Variants in SNX1 observed in about 807,000 individuals in gnomAD.
SNX1 encodes the protein sorting nexin 1.
In SNX1, 36 loss-of-function variants were observed where a neutral mutation model predicts 71.8. That is an observed-to-expected ratio of 0.50 (90% CI 0.38 to 0.66). The LOEUF (loss-of-function observed/expected upper bound fraction) is 0.66, where lower values mean the gene tolerates loss of function less well. Ranked by LOEUF, SNX1 falls within the 30% of genes least tolerant of loss-of-function variation. The pLI is 0.00. For missense variants in SNX1, 612 were observed against 646.7 expected (o/e 0.95, Z 0.58); for synonymous variants, 254 against 240.7 (o/e 1.06, Z -0.51).
chr15:64,133,487 T>C (rs1453795870), intron 11 of SNX1, among the ~76,000 whole-genome samples: 1 of 152,114 alleles, frequency 6.6e-6, no homozygotes. Context: ...CCCAGCACTT[T>C]GGGAGGCTGA....
At chr15:64,102,274 G>T (rs1267275012) in intron 1 of SNX1, among the ~76,000 whole-genome samples, 1 of 151,940 alleles carries the variant, frequency 6.6e-6, no homozygotes, top group Non-Finnish European at 1.5e-5. Flanking sequence ...ATTTTTTATT[G>T]ATATAGTTGT....
chr15:64,133,762 C>T (rs181689586), intron 11 of SNX1, among the ~76,000 whole-genome samples: 1 of 152,240 alleles, frequency 6.6e-6, no homozygotes, highest in East Asian at 1.9e-4. Context: ...GGAACTTTTG[C>T]AGGGCAGTGA....
intron 1 of SNX1, among the ~76,000 whole-genome samples, chr15:64,105,558 G>A (rs542600113): frequency 3.4e-4 from 51 of 152,174 alleles, no homozygotes; most frequent in Non-Finnish European, 6.3e-4. Flanking sequence ...CACGTGGACA[G>A]CTGGAGCTTC....
chr15:64,110,325 G>A (rs1402158392), intron 1 of SNX1, among the ~76,000 whole-genome samples: 1 of 152,190 alleles, frequency 6.6e-6, no homozygotes, highest in East Asian at 1.9e-4. Flanking sequence ...ATATCTGAGA[G>A]CAGTTTTCTG....
chr15:64,101,430 A>G (rs1355614327), intron 1 of SNX1, among the ~76,000 whole-genome samples: 3 of 152,204 alleles, frequency 2.0e-5, no homozygotes, highest in South Asian at 2.1e-4. Context: ...ATGTTATAAC[A>G]TGTGACAAGA....
chr15:64,136,230 G>T, intron 12 of SNX1, 100 bp from the exon 13 acceptor site: 1 of 871,608 alleles, frequency 1.1e-6, no homozygotes, highest in Non-Finnish European at 1.9e-6. Context: ...CAGACATAAT[G>T]ATCAATTGAG....
Position 64,129,862 on chromosome 15 carries a change from A to T in SNX1, c.808-54A>T, listed in dbSNP as rs2081288787. On this transcript the variant is annotated intron_variant, in intron 8 of 14. Transcript: ENST00000559844. The surrounding 1 kb of genome is among the most constrained non-coding windows in gnomAD (Gnocchi z 4.4). ...ATCTGATGGATACTAATTCTTCTGA[A>T]CCTAAAATAGGGGCAGCAGATAACT... 2 of 1,287,696 alleles carry T rather than the reference A, an allele frequency of 1.6e-6. No homozygotes were observed. 79.8% of individuals were successfully genotyped at this position (1,287,696 alleles called of 1,614,324 possible).
rs1057125921 is a variant in SNX1 at position 64,140,640 on chromosome 15, A to C, written c.*3022A>C. ...CTCTTGTCGCCCAGGCTGGATTGCA[A>C]TGGCACAATCTCAGCTCACTGCAAC... On this transcript the variant is annotated 3_prime_UTR_variant, in exon 15 of 15. Coordinates refer to ENST00000559844, the MANE Select transcript of SNX1 (RefSeq NM_003099.5). 2.0e-5 allele frequency: 3 copies of C among 152,140 alleles called. No individual in the cohort carries two copies. Among genetic ancestry groups the C allele is most frequent in the African/African-American group, 7.2e-5 (3 of 41,428 alleles). 9.4% of individuals were successfully genotyped at this position (152,140 alleles called of 1,614,324 possible). A position where few individuals can be genotyped will look rare whatever the true frequency, so the allele number is the denominator to read the frequency against.
intron 1 of SNX1, among the ~76,000 whole-genome samples, chr15:64,101,285 C>G (rs1176169496): frequency 6.6e-6 from 1 of 152,208 alleles, no homozygotes; most frequent in African/African-American, 2.4e-5. Flanking sequence ...TCCACAGTCC[C>G]TGGTAATCAA....
intron 1 of SNX1, chr15:64,111,657 T>C (rs1324541157): frequency 2.6e-5 from 4 of 152,262 alleles, no homozygotes; most frequent in South Asian, 2.1e-4. Flanking sequence ...CATTTCACTT[T>C]GTTGGGTCAG....
In SNX1 at chr15:64,139,061, T is replaced by G. The variant is rs1160364803; in HGVS notation, c.*1443T>G. The G allele has an allele frequency of 6.6e-6, 1 of 152,182 alleles. No homozygotes were observed. Among genetic ancestry groups the G allele is most frequent in the African/African-American group, 2.4e-5 (1 of 41,432 alleles). 9.4% of individuals were successfully genotyped at this position (152,182 alleles called of 1,614,324 possible). A position where few individuals can be genotyped will look rare whatever the true frequency, so the allele number is the denominator to read the frequency against. Reference sequence around the variant, plus strand: ...TATTTCTTTTTAACAGGTGAAGTTTTTGGAAAAAGTCACTCTCCCTACCCC... The same window carrying G: ...TATTTCTTTTTAACAGGTGAAGTTTGTGGAAAAAGTCACTCTCCCTACCCC... On this transcript the variant is annotated 3_prime_UTR_variant, in exon 15 of 15. Transcript: ENST00000559844.
rs912982727 is a variant in SNX1 at position 64,102,804 on chromosome 15, T to C, written c.159+6632T>C. Among the ~76,000 whole-genome samples the C allele has an allele frequency of 7.1e-5, 10 of 140,086 alleles. No individual in the cohort carries two copies. The Admixed American group carries it at 7.7e-4, about 11-fold the overall frequency. 91.9% of individuals were successfully genotyped at this position (140,086 alleles called of 152,430 possible). A position where few individuals can be genotyped will look rare whatever the true frequency, so the allele number is the denominator to read the frequency against. ...TTTTTTTTGACACAGGGTCTTGCTC[T>C]GTCTCCCAGGCTGGAGTGCAGTGGT... On this transcript the variant is annotated intron_variant, in intron 1 of 14. Transcript: ENST00000559844.
chr15:64,097,900 C>G lies in SNX1; in HGVS notation c.159+1728C>G, dbSNP rs957674438. ...TCATTTGTGTCAGATTTTCCCTGTCCTGTATTCAGAAATTGAGTCCATAAT... is the reference window on the plus strand; with the variant it reads ...TCATTTGTGTCAGATTTTCCCTGTCGTGTATTCAGAAATTGAGTCCATAAT... On this transcript the variant is annotated intron_variant, in intron 1 of 14. Transcript: ENST00000559844. 3.3e-5 allele frequency among the ~76,000 whole-genome samples: 5 copies of G among 152,174 alleles called. No homozygotes were observed. In the South Asian group the frequency reaches 1.0e-3, roughly 32 times the overall value.
Position 64,137,811 on chromosome 15 carries a change from A to G in SNX1, c.*193A>G. On this transcript the variant is annotated 3_prime_UTR_variant, in exon 15 of 15. Transcript: ENST00000559844. ...AGCTTCCATATATATTTTCTTACCTAAGAGAATAGTTTCCTGCTTTAAGCA... is the reference window on the plus strand; with the variant it reads ...AGCTTCCATATATATTTTCTTACCTGAGAGAATAGTTTCCTGCTTTAAGCA... 3 of 1,422,900 alleles carry G rather than the reference A, an allele frequency of 2.1e-6. No individual in the cohort carries two copies. The highest frequency in any genetic ancestry group is 2.8e-6 in the Non-Finnish European group (3 of 1,089,686). 88.1% of individuals were successfully genotyped at this position (1,422,900 alleles called of 1,614,324 possible). A position where few individuals can be genotyped will look rare whatever the true frequency, so the allele number is the denominator to read the frequency against.
chr15:64,106,339 T>TA (rs1200700974), intron 1 of SNX1, among the ~76,000 whole-genome samples: 1 of 152,232 alleles, frequency 6.6e-6, no homozygotes, highest in Non-Finnish European at 1.5e-5. Flanking sequence ...GCTATGGAGT[T>TA]AAACTCTAGT....
chr15:64,110,935 T>G (rs1193878395), intron 1 of SNX1, among the ~76,000 whole-genome samples: 1 of 152,248 alleles, frequency 6.6e-6, no homozygotes, highest in Admixed American at 6.5e-5. Context: ...CTTCTAGGCA[T>G]TTTTTAAATG....
At position 64,138,039 on chromosome 15, in the gene SNX1, T is replaced by G; in HGVS notation, c.*421T>G. On this transcript the variant is annotated 3_prime_UTR_variant, in exon 15 of 15. Transcript: ENST00000559844. Reference sequence around the variant, plus strand: ...ACTCAGAATGTTGGTGGTTTTTGCTTAGGCTGGGGAGCAGTTGGGAATCAG... The same window carrying G: ...ACTCAGAATGTTGGTGGTTTTTGCTGAGGCTGGGGAGCAGTTGGGAATCAG... 6.6e-7 allele frequency: 1 copy of G among 1,514,700 alleles called. No individual in the cohort carries two copies. Among genetic ancestry groups the G allele is most frequent in the Non-Finnish European group, 8.8e-7 (1 of 1,140,582 alleles). 93.8% of individuals were successfully genotyped at this position (1,514,700 alleles called of 1,614,324 possible). A position where few individuals can be genotyped will look rare whatever the true frequency, so the allele number is the denominator to read the frequency against.
chr15:64,122,522 A>T (rs1416725498), intron 4 of SNX1, among the ~76,000 whole-genome samples: 1 of 152,178 alleles, frequency 6.6e-6, no homozygotes, highest in Non-Finnish European at 1.5e-5. Context: ...ATCTTACTGA[A>T]ACCAAGTTGT....
rs764832367 is a variant in SNX1, at chr15:64,127,739, A to G, written c.740A>G (p.Gln247Arg). The change falls in exon 8 of 15, where the codon CAG becomes CGG. Residue 247 changes from glutamine (Q) to arginine (R), a missense_variant. By Grantham distance (43) the Gln-to-Arg change is conservative. Coordinates refer to ENST00000559844, the MANE Select transcript of SNX1 (RefSeq NM_003099.5). ...KRRAALERYL[Q>R]RIVNHPTMLQ... ...AACTGCTTACCTTTTAGGTACCTTC[A>G]GAGGATTGTAAATCATCCTACCATG... 10 of 1,613,568 alleles carry G rather than the reference A, an allele frequency of 6.2e-6. No homozygotes were observed. Among genetic ancestry groups the G allele is most frequent in the African/African-American group, 1.3e-5 (1 of 74,922 alleles).
Sources: gnomAD v4.1 joint callset for allele counts (sites outside exome capture counted in the v4.1 genomes callset) on GRCh38, gnomAD v4.1.1 for gene constraint, Gnocchi (gnomAD v3.1) non-coding constraint, MANE v1.5 for transcripts, NCBI Gene and HGNC (gene_info 2026-07-23, HGNC 2026-07-21) for gene names.